Variants in PLB1 observed in about 807,000 individuals in gnomAD.
PLB1 encodes the protein phospholipase B1, membrane-associated.
Under a neutral mutation model 227.4 loss-of-function variants are expected in PLB1, and 242 were observed. The observed-to-expected ratio is 1.06, with a 90% CI of 0.96 to 1.18. PLB1 has a LOEUF of 1.18. Among genes scored for constraint, PLB1 ranks in the 50% most tolerant of loss-of-function variants. The pLI is 0.00. For missense variants in PLB1, 1,858 were observed against 1,816.3 expected (o/e 1.02, Z -0.42); for synonymous variants, 757 against 682.2 (o/e 1.11, Z -1.71).
Position 28,516,886 on chromosome 2 carries a change from G to A in PLB1, c.117+17G>A, listed in dbSNP as rs199809483. 2 of 1,611,664 alleles carry A rather than the reference G, an allele frequency of 1.2e-6. No homozygotes were observed. The highest frequency in any genetic ancestry group is 1.7e-6 in the Non-Finnish European group (2 of 1,177,830). On this transcript the variant is annotated intron_variant, in intron 2 of 57. Transcript: ENST00000327757. ...TGGCCAGAGGTAAGGGCTTTGGCTGGTGGGAGGTGCGTGTGTATGGAGGGG... is the reference window on the plus strand; with the variant it reads ...TGGCCAGAGGTAAGGGCTTTGGCTGATGGGAGGTGCGTGTGTATGGAGGGG...
intron 4 of PLB1, among the ~76,000 whole-genome samples, chr2:28,524,377 T>G (rs1445801464): frequency 1.3e-5 from 2 of 152,208 alleles, no homozygotes; most frequent in Non-Finnish European, 2.9e-5. Context: ...CCAGTCAAGT[T>G]ACCACGGTCT....
At position 28,620,945 on chromosome 2, in the gene PLB1, G is replaced by C. The variant is rs1041766570; in HGVS notation, c.3494G>C (p.Gly1165Ala). The stretch of plus-strand genomic sequence containing the variant: ...ACCAGCACCTGGGAGGGGACAGCAG[G>C]ACTAAATGTGGCAGCGGAAGGGGCC... The part of the protein sequence containing the change: ...FSTSTWEGTA[G>A]LNVAAEGARA... The change falls in exon 49 of 58, where the codon GGA becomes GCA. Residue 1165 changes from glycine (G) to alanine (A), a missense_variant. By Grantham distance (60) the Gly-to-Ala change is moderately conservative (BLOSUM62 0). Coordinates refer to ENST00000327757, the MANE Select transcript of PLB1 (RefSeq NM_153021.5). The C allele has an allele frequency of 6.2e-7, 1 of 1,613,708 alleles. No individual in the cohort carries two copies. The highest frequency in any genetic ancestry group is 2.2e-5 in the East Asian group (1 of 44,872).
At chr2:28,606,402 C>A in intron 42 of PLB1, 94 bp from the exon 43 acceptor site, 3 of 1,294,850 alleles carry the variant, frequency 2.3e-6, no homozygotes, top group Non-Finnish European at 3.3e-6. Flanking sequence ...AAATCGAGTT[C>A]TGAGCTTTCC....
At chr2:28,576,737 A>G (rs1489102624) in intron 21 of PLB1, among the ~76,000 whole-genome samples, 1 of 152,210 alleles carries the variant, frequency 6.6e-6, no homozygotes, top group African/African-American at 2.4e-5. Context: ...CTCAAAAAAA[A>G]GAGTTTCAGA....
intron 49 of PLB1, among the ~76,000 whole-genome samples, chr2:28,624,674 G>C (rs1687492352): frequency 6.6e-6 from 1 of 152,248 alleles, no homozygotes; most frequent in South Asian, 2.1e-4. Context: ...GGAGAAAACT[G>C]AGGGATAATT....
At chr2:28,573,428 C>T (rs1678362883) in intron 21 of PLB1, 123 bp downstream of exon 21, 1 of 704,620 alleles carries the variant, frequency 1.4e-6, no homozygotes, top group Non-Finnish European at 2.5e-6. Flanking sequence ...GGTTTCGGGG[C>T]CAAAGCCTGG....
chr2:28,576,227 G>A (rs1678908848), intron 21 of PLB1, among the ~76,000 whole-genome samples: 1 of 152,142 alleles, frequency 6.6e-6, no homozygotes, highest in Admixed American at 6.5e-5. Flanking sequence ...GCACAAAGAG[G>A]CCACATGGCC....
chr2:28,600,854 T>A lies in PLB1; in HGVS notation c.2520T>A (p.Asp840Glu), dbSNP rs1007178051. ...QVQTLMQKMKDDHRVNFHEDW... is the reference protein window; with the variant it reads ...QVQTLMQKMKEDHRVNFHEDW... ...AAACTCTGATGCAGAAGATGAAAGA[T>A]GATCATGTGAGTCAGATTTACTGTT... Residue 840 changes from aspartate (D) to glutamate (E), a missense_variant, in exon 36 of 58, where the codon GAT becomes GAA. Physicochemically the swap from Asp to Glu is conservative, Grantham distance 45 (BLOSUM62 2). Transcript: ENST00000327757. 1.2e-6 allele frequency: 2 copies of A among 1,610,942 alleles called. No individual in the cohort carries two copies. Among genetic ancestry groups the A allele is most frequent in the Middle Eastern group, 1.7e-4 (1 of 6,058 alleles).
Position 28,582,052 on chromosome 2 carries a change from C to G in PLB1, c.1567-16C>G, listed in dbSNP as rs754571265. 2.3e-5 allele frequency: 37 copies of G among 1,609,414 alleles called. No homozygotes were observed. The highest frequency in any genetic ancestry group is 2.9e-5 in the Non-Finnish European group (34 of 1,175,882). ...GGTGACAAATGGTGTTCAAGGGACA[C>G]TTCCTCTTCCTGCAGGTCCACTATT... On this transcript the variant is annotated splice_polypyrimidine_tract_variant and intron_variant, in intron 23 of 57. Coordinates refer to ENST00000327757, the MANE Select transcript of PLB1 (RefSeq NM_153021.5).
At chr2:28,588,634 C>G (rs1343206764) in intron 26 of PLB1, among the ~76,000 whole-genome samples, 1 of 152,154 alleles carries the variant, frequency 6.6e-6, no homozygotes. Flanking sequence ...GGAGCCGGAA[C>G]TGGGGTAACA....
Position 28,511,141 on chromosome 2 carries a change from A to G in PLB1, c.56-5667A>G, listed in dbSNP as rs182511666. ...GAAAATCTTATAACAGTTTAACTCC[A>G]TTTATTCCATCCAAATCTGCCCACA... On this transcript the variant is annotated intron_variant, in intron 1 of 57. Transcript: ENST00000327757. Among the ~76,000 whole-genome samples, 12 of 152,260 alleles carry G rather than the reference A, an allele frequency of 7.9e-5. No homozygotes were observed. The East Asian group carries it at 2.1e-3, about 27-fold the overall frequency.
intron 30 of PLB1, 91 bp from the exon 31 acceptor site, chr2:28,591,607 CTG>C: frequency 6.1e-6 from 8 of 1,317,526 alleles, no homozygotes; most frequent in Non-Finnish European, 8.7e-6. Flanking sequence ...ACCCAGGAAT[CTG>C]TATTTTTCAA....
chr2:28,591,634 A>G (rs1681957028), intron 30 of PLB1, 66 bp from the exon 31 acceptor site: 5 of 1,527,778 alleles, frequency 3.3e-6, no homozygotes, highest in Admixed American at 1.7e-5. Flanking sequence ...CTTGGGGTAC[A>G]TCTGATAGCC....
Position 28,546,698 on chromosome 2 carries a change from G to A in PLB1, c.937-2162G>A, listed in dbSNP as rs184548754. Among the ~76,000 whole-genome samples the A allele has an allele frequency of 3.3e-3, 498 of 152,236 alleles. 14 individuals are homozygous for A. Among genetic ancestry groups the A allele is most frequent in the Non-Finnish European group, 1.4e-3 (92 of 68,018 alleles). On this transcript the variant is annotated intron_variant, in intron 14 of 57. Transcript: ENST00000327757. Reference sequence around the variant, plus strand: ...CAGAGCCAGTGTAAAGGGAATGAATGGAAGCAAGGAGGATGGAGGGGACTC... The same window carrying A: ...CAGAGCCAGTGTAAAGGGAATGAATAGAAGCAAGGAGGATGGAGGGGACTC...
intron 16 of PLB1, among the ~76,000 whole-genome samples, chr2:28,551,329 G>A (rs1674217909): frequency 1.3e-5 from 2 of 152,178 alleles, no homozygotes; most frequent in Non-Finnish European, 2.9e-5. Context: ...ATGGAGATTA[G>A]GCAGGGCACC....
At chr2:28,578,042 C>G in intron 21 of PLB1, 65 bp from the exon 22 acceptor site, 1 of 1,503,772 alleles carries the variant, frequency 6.6e-7, no homozygotes, top group South Asian at 1.1e-5. Context: ...GATTGCTGTT[C>G]TCTCTGCTAA....
chr2:28,557,008 AGT>A (rs1256663054), intron 17 of PLB1, among the ~76,000 whole-genome samples: 1 of 152,042 alleles, frequency 6.6e-6, no homozygotes, highest in African/African-American at 2.4e-5. Context: ...TGCAATGTTC[AGT>A]GTAGGTCATG....
At position 28,637,399 on chromosome 2, in the gene PLB1, G is replaced by A. The variant is rs552768278; in HGVS notation, c.4099-3528G>A. Among the ~76,000 whole-genome samples the A allele has an allele frequency of 5.9e-5, 9 of 152,170 alleles. No homozygotes were observed. In the South Asian group the frequency reaches 1.9e-3, roughly 32 times the overall value. ...CTTAATTGGTCTGGAGTGCGAGCTG[G>A]ATTCGGTACTTTGTGAAAGCTCCTG... On this transcript the variant is annotated intron_variant, in intron 56 of 57. Transcript: ENST00000327757.
At chr2:28,543,347 AG>A in intron 14 of PLB1, 79 bp downstream of exon 14, 1 of 1,445,990 alleles carries the variant, frequency 6.9e-7, no homozygotes, top group South Asian at 1.3e-5. Context: ...CGTGCTGAGG[AG>A]GGGCTGCAGG....
Sources: allele counts gnomAD v4.1 joint callset (sites outside exome capture counted in the v4.1 genomes callset), GRCh38; gene constraint gnomAD v4.1.1; transcripts MANE v1.5; gene names NCBI Gene and HGNC (gene_info 2026-07-23, HGNC 2026-07-21).